BTG4: variants seen among roughly 807,000 people sequenced by gnomAD.
BTG4 encodes protein BTG4.
A neutral mutation model predicts 19.3 loss-of-function variants in BTG4; 10 were observed. That is an observed-to-expected ratio of 0.52 (90% CI 0.32 to 0.88). The LOEUF is 0.88. Ranked by LOEUF, BTG4 falls within the 40% of genes least tolerant of loss-of-function variation. BTG4 has a pLI of 0.04. For synonymous variants in BTG4, 91 were observed against 95.7 expected (o/e 0.95, Z 0.29); for missense variants, 238 against 281.9 (o/e 0.84, Z 1.11).
the BTG4 span, among the ~76,000 whole-genome samples, chr11:111,457,621 G>C: frequency 6.6e-6 from 1 of 151,876 alleles, no homozygotes; most frequent in Non-Finnish European, 1.5e-5. Flanking sequence ...GAGGGGAAGA[G>C]AAGCAAGGTA....
chr11:111,499,940 G>A (rs1367210496), intron 1 of BTG4, among the ~76,000 whole-genome samples: 3 of 152,006 alleles, frequency 2.0e-5, no homozygotes, highest in Non-Finnish European at 4.4e-5. Flanking sequence ...TCAGGAGTTC[G>A]AGATCAGCCT....
the BTG4 span, chr11:111,384,841 T>C: frequency 6.6e-6 from 1 of 152,134 alleles, no homozygotes; most frequent in South Asian, 2.1e-4. Context: ...ATAACATGAT[T>C]ACACAAGTCC....
At chr11:111,428,042 GT>G in the BTG4 span, among the ~76,000 whole-genome samples, 1 of 152,176 alleles carries the variant, frequency 6.6e-6, no homozygotes, top group Non-Finnish European at 1.5e-5. Context: ...CAAGGATGAA[GT>G]TATAGGGAGG....
the BTG4 span, among the ~76,000 whole-genome samples, chr11:111,442,225 G>T: frequency 5.9e-5 from 9 of 151,902 alleles, no homozygotes; most frequent in Admixed American, 5.2e-4. Flanking sequence ...ATGAGATCAG[G>T]TGCGGTGGCT....
At chr11:111,422,977 A>AT in the BTG4 span, among the ~76,000 whole-genome samples, 1 of 152,144 alleles carries the variant, frequency 6.6e-6, no homozygotes, top group Non-Finnish European at 1.5e-5. Flanking sequence ...GTGTCAGGAC[A>AT]TTGGTGCATT....
At chr11:111,462,552 A>G, downstream of BTG4, 1 of 152,868 alleles carries the variant, frequency 6.5e-6, no homozygotes, top group Non-Finnish European at 1.5e-5. Flanking sequence ...CAGCTCTCCC[A>G]GGCTCAGCCA....
At chr11:111,414,277 C>T in the BTG4 span, 1 of 152,208 alleles carries the variant, frequency 6.6e-6, no homozygotes, top group Non-Finnish European at 1.5e-5. Flanking sequence ...TGGATCACCT[C>T]TTCTAGAGAA....
rs146680348 is a variant in BTG4 at position 111,496,098 on chromosome 11, G to A, written c.511-784C>T. ...TTAGAACTTCAAATAATGAATGGCT[G>A]AATAAGAGAAAATTTGTAGGGCAGT... On this transcript the variant is annotated intron_variant, in intron 4 of 4. Coordinates refer to ENST00000692032, the MANE Select transcript of BTG4 (RefSeq NM_001367975.1). 2.0e-5 allele frequency among the ~76,000 whole-genome samples: 3 copies of A among 152,294 alleles called. No homozygotes were observed. In the East Asian group the frequency reaches 5.8e-4, roughly 29 times the overall value.
the BTG4 span, among the ~76,000 whole-genome samples, chr11:111,402,013 T>C: frequency 1.3e-5 from 2 of 152,238 alleles, no homozygotes; most frequent in South Asian, 4.1e-4. Context: ...GCTTTGGCTC[T>C]GTGTCTCCAC....
At chr11:111,514,487 G>GAT, upstream of BTG4, 1 of 414,330 alleles carries the variant, frequency 2.4e-6, no homozygotes, top group Non-Finnish European at 4.4e-6. Context: ...GGGAGAGGAT[G>GAT]TGGCAGCCCA....
chr11:111,509,459 G>A (rs1444811130), intron 1 of BTG4, among the ~76,000 whole-genome samples: 2 of 152,076 alleles, frequency 1.3e-5, no homozygotes, highest in Admixed American at 1.3e-4. Flanking sequence ...AGAGGCCAAG[G>A]GGGGTGCGGT....
At chr11:111,504,046 C>A (rs1866273610) in intron 1 of BTG4, among the ~76,000 whole-genome samples, 1 of 152,038 alleles carries the variant, frequency 6.6e-6, no homozygotes, top group Non-Finnish European at 1.5e-5. Flanking sequence ...CTTATCATAA[C>A]CCCATTTCAT....
At position 111,497,286 on chromosome 11, in the gene BTG4, A is replaced by C; in HGVS notation, c.435T>G (p.Thr145=). Residue 145 remains threonine, a synonymous_variant, in exon 4 of 5, where the codon ACT becomes ACG. Coordinates refer to ENST00000692032, the MANE Select transcript of BTG4 (RefSeq NM_001367975.1). ...SRASSDVSSG[T]SCDEESCSKE... ...TGCTACAACTTTCTTCATCGCAGGAAGTGCCAGAGGAAACGTCTGATGAGG... is the reference window on the plus strand; with the variant it reads ...TGCTACAACTTTCTTCATCGCAGGACGTGCCAGAGGAAACGTCTGATGAGG... The C allele has an allele frequency of 6.2e-7, 1 of 1,611,614 alleles. No individual in the cohort carries two copies. Among genetic ancestry groups the C allele is most frequent in the Non-Finnish European group, 8.5e-7 (1 of 1,179,168 alleles).
the BTG4 span, among the ~76,000 whole-genome samples, chr11:111,403,172 G>A: frequency 6.6e-6 from 1 of 152,138 alleles, no homozygotes; most frequent in African/African-American, 2.4e-5. Context: ...CAGAGCATGG[G>A]TGATTTCTCT....
At chr11:111,461,489 G>A in the BTG4 span, among the ~76,000 whole-genome samples, 1 of 152,172 alleles carries the variant, frequency 6.6e-6, no homozygotes, top group Non-Finnish European at 1.5e-5. Flanking sequence ...GGAAGGCAGA[G>A]GTGGGAGGAT....
intron 4 of BTG4, among the ~76,000 whole-genome samples, chr11:111,496,305 T>C (rs2135670584): frequency 6.6e-6 from 1 of 152,300 alleles, no homozygotes; most frequent in Middle Eastern, 3.4e-3. Flanking sequence ...TAAATACAAC[T>C]TTCTACATGG....
In BTG4 at chr11:111,498,634, G is replaced by C. The variant is rs1460398240; in HGVS notation, c.143C>G (p.Ser48Cys). Residue 48 changes from serine (S) to cysteine (C), a missense_variant, in exon 2 of 5, where the codon TCT (serine) becomes TGT (cysteine). Ser to Cys is a moderately radical substitution (Grantham distance 112). Transcript: ENST00000692032. ...LFETYRSHWH[S>C]DCPSKGQAFR... ...GGCTTGCCCTTTAGAAGGGCAATCA[G>C]AGTGCCAGTGACTTCTGTATGTTTC... is the stretch of plus-strand genomic sequence containing the variant. The C allele has an allele frequency of 1.2e-6, 2 of 1,613,518 alleles. No individual in the cohort carries two copies. The highest frequency in any genetic ancestry group is 1.7e-6 in the Non-Finnish European group (2 of 1,179,934).
the BTG4 span, among the ~76,000 whole-genome samples, chr11:111,402,510 G>A: frequency 6.6e-6 from 1 of 152,180 alleles, no homozygotes; most frequent in African/African-American, 2.4e-5. Context: ...TCTATGTCAG[G>A]AGGGATTGTT....
chr11:111,416,334 C>T, the BTG4 span: 1 of 152,090 alleles, frequency 6.6e-6, no homozygotes, highest in African/African-American at 2.4e-5. Flanking sequence ...CTCCCTCTCT[C>T]GTTTTCTCAC....
Sources: allele counts gnomAD v4.1 joint callset (sites outside exome capture counted in the v4.1 genomes callset), GRCh38; gene constraint gnomAD v4.1.1; transcripts MANE v1.5; gene names NCBI Gene and HGNC (gene_info 2026-07-23, HGNC 2026-07-21).